DLG2: variants seen among roughly 807,000 people sequenced by gnomAD.
DLG2 encodes the protein disks large homolog 2.
In DLG2, 45 loss-of-function variants were observed where a neutral mutation model predicts 132.5. The observed-to-expected ratio is 0.34, with a 90% CI of 0.27 to 0.44. DLG2 has a LOEUF of 0.44. Among genes scored for constraint, DLG2 ranks in the 20% least tolerant of loss-of-function variants. DLG2 has a pLI of 1.00. For missense variants in DLG2, 1,045 were observed against 1,196.9 expected, an observed-to-expected ratio of 0.87 and a Z score of 1.87; for synonymous variants, 424 against 419.6, an observed-to-expected ratio of 1.01 and a Z score of -0.13.
chr11:83,704,352 C>A (rs187952604), intron 18 of DLG2, among the ~76,000 whole-genome samples: 1 of 151,952 alleles, frequency 6.6e-6, no homozygotes. Flanking sequence ...AGAAATGATA[C>A]TAAAATGAGA....
At chr11:85,280,695 T>C (rs1413435173) in intron 4 of DLG2, among the ~76,000 whole-genome samples, 1 of 151,866 alleles carries the variant, frequency 6.6e-6, no homozygotes, top group East Asian at 1.9e-4. Context: ...CTCACCATAA[T>C]TGGGAGCTAA....
At chr11:83,913,179 C>A (rs535685954) in intron 15 of DLG2, among the ~76,000 whole-genome samples, 2 of 152,000 alleles carry the variant, frequency 1.3e-5, no homozygotes, top group Non-Finnish European at 2.9e-5. Flanking sequence ...TCGATTATAG[C>A]AGCTTTGTAT....
chr11:84,359,399 G>T (rs2098636785), intron 7 of DLG2, among the ~76,000 whole-genome samples: 1 of 151,816 alleles, frequency 6.6e-6, no homozygotes, highest in African/African-American at 2.4e-5. Context: ...AATTACTGAG[G>T]AATTGGTTGG....
In DLG2 at chr11:83,949,365, C is replaced by T. The variant is rs540753364; in HGVS notation, c.1340+13520G>A. Among the ~76,000 whole-genome samples the T allele has an allele frequency of 5.3e-5, 8 of 151,884 alleles. No homozygotes were observed. In the South Asian group the frequency reaches 1.3e-3, roughly 24 times the overall value. Reference sequence around the variant, plus strand: ...CTAATGATCTTTTCCCTTCCTTACCCCCATTTTCTTGGATTAATGTCTTTT... The same window carrying T: ...CTAATGATCTTTTCCCTTCCTTACCTCCATTTTCTTGGATTAATGTCTTTT... On this transcript the variant is annotated intron_variant, in intron 14 of 27. Coordinates refer to ENST00000376104, the MANE Select transcript of DLG2 (RefSeq NM_001142699.3).
chr11:84,743,378 C>A (rs1438410776), intron 6 of DLG2, among the ~76,000 whole-genome samples: 1 of 152,102 alleles, frequency 6.6e-6, no homozygotes, highest in South Asian at 2.1e-4. Context: ...TACCAACCAT[C>A]TTTAGTAAGA....
intron 6 of DLG2, chr11:84,890,626 C>T (rs1194259255): frequency 6.6e-6 from 1 of 152,158 alleles, no homozygotes; most frequent in Non-Finnish European, 1.5e-5. Flanking sequence ...AGAGTTCCCC[C>T]ACCTGCACCC....
At chr11:84,270,030 G>A (rs191665727) in intron 7 of DLG2, among the ~76,000 whole-genome samples, 10 of 152,180 alleles carry the variant, frequency 6.6e-5, no homozygotes, top group Admixed American at 3.3e-4. Context: ...ACTAACAAAC[G>A]AATAAAAACA....
At chr11:85,571,865 G>C (rs933410115) in intron 3 of DLG2, among the ~76,000 whole-genome samples, 2 of 152,148 alleles carry the variant, frequency 1.3e-5, no homozygotes, top group African/African-American at 4.8e-5. Flanking sequence ...TGAGTTAGGT[G>C]AGATAAAGAT....
At chr11:84,280,300 A>C (rs146560063) in intron 7 of DLG2, among the ~76,000 whole-genome samples, 131 of 115,872 alleles carry the variant, frequency 1.1e-3, no homozygotes, top group African/African-American at 3.8e-3. Context: ...CTTAGGGATA[A>C]ACCTGATTTT....
chr11:84,193,915 A>G (rs1017316730), intron 8 of DLG2, among the ~76,000 whole-genome samples: 13 of 152,136 alleles, frequency 8.5e-5, no homozygotes, highest in African/African-American at 2.2e-4. Flanking sequence ...AGAATCCTAC[A>G]TTACCACAGA....
At chr11:83,587,853 C>T (rs948552319) in intron 19 of DLG2, among the ~76,000 whole-genome samples, 3 of 152,166 alleles carry the variant, frequency 2.0e-5, no homozygotes, top group African/African-American at 7.2e-5. Flanking sequence ...CAGGGAGTTC[C>T]CTTTCTGAGT....
chr11:84,388,685 G>A (rs2098780983), intron 7 of DLG2, among the ~76,000 whole-genome samples: 2 of 151,604 alleles, frequency 1.3e-5, no homozygotes, highest in South Asian at 2.1e-4. Context: ...TCAAAAGAGA[G>A]GAGCATGTGA....
chr11:85,564,457 CAT>C (rs891604395), intron 3 of DLG2, among the ~76,000 whole-genome samples: 11 of 151,904 alleles, frequency 7.2e-5, no homozygotes, highest in South Asian at 2.1e-4. Context: ...ACTTTTTCCA[CAT>C]TCTAGTTCTA....
intron 4 of DLG2, among the ~76,000 whole-genome samples, chr11:85,245,668 A>C (rs2076097778): frequency 6.6e-6 from 1 of 152,008 alleles, no homozygotes; most frequent in Admixed American, 6.6e-5. Flanking sequence ...AACTTCTTGT[A>C]ATGAATTTAC....
chr11:84,698,996 C>G (rs1394418507), intron 6 of DLG2, among the ~76,000 whole-genome samples: 1 of 151,484 alleles, frequency 6.6e-6, no homozygotes, highest in Non-Finnish European at 1.5e-5. Flanking sequence ...AATAAAATCC[C>G]ATAGTCTGTG....
At chr11:83,701,625 T>C (rs2082958145) in intron 18 of DLG2, among the ~76,000 whole-genome samples, 1 of 152,218 alleles carries the variant, frequency 6.6e-6, no homozygotes, top group African/African-American at 2.4e-5. Context: ...ACATCAGTTA[T>C]ACCGGGACAT....
At chr11:84,944,603 T>A (rs1381085102) in intron 6 of DLG2, among the ~76,000 whole-genome samples, 1 of 88,246 alleles carries the variant, frequency 1.1e-5, no homozygotes, top group Non-Finnish European at 2.0e-5. Context: ...CAGTCTCTGT[T>A]AATTTTTTTT....
chr11:84,860,474 T>C (rs908777859), intron 6 of DLG2, among the ~76,000 whole-genome samples: 3 of 152,162 alleles, frequency 2.0e-5, no homozygotes, highest in Admixed American at 6.6e-5. Context: ...TGGGATTTTC[T>C]ATTGTTGAAA....
At chr11:84,859,661 A>G (rs2083348038) in intron 6 of DLG2, among the ~76,000 whole-genome samples, 1 of 151,646 alleles carries the variant, frequency 6.6e-6, no homozygotes, top group South Asian at 2.1e-4. Context: ...TAAAGCCACT[A>G]TTTTCCTCTT....
Sources: gnomAD v4.1 joint callset for allele counts (sites outside exome capture counted in the v4.1 genomes callset) on GRCh38, gnomAD v4.1.1 for gene constraint, MANE v1.5 for transcripts, NCBI Gene and HGNC (gene_info 2026-07-23, HGNC 2026-07-21) for gene names.